Variants in MYCBPAP observed in about 807,000 individuals in gnomAD.
MYCBPAP encodes MYCBP-associated protein.
A neutral mutation model predicts 106.1 loss-of-function variants in MYCBPAP; 60 were observed. That is an observed-to-expected ratio of 0.57 (90% CI 0.46 to 0.70). The LOEUF is 0.70. Ranked by LOEUF, MYCBPAP falls within the 30% of genes least tolerant of loss-of-function variation. MYCBPAP has a pLI of 0.00. For missense variants in MYCBPAP, 1,064 were observed against 1,169.3 expected (o/e 0.91, Z 1.31); for synonymous variants, 407 against 440.6 (o/e 0.92, Z 0.95).
At chr17:50,527,067 G>A (rs1237035511) in intron 14 of MYCBPAP, among the ~76,000 whole-genome samples, 1 of 152,196 alleles carries the variant, frequency 6.6e-6, no homozygotes, top group African/African-American at 2.4e-5. Flanking sequence ...CAGGAGGGGG[G>A]CCTACTCTCT....
rs745713338 is a variant in MYCBPAP at position 50,508,737 on chromosome 17, A to G, written c.63A>G (p.Ser21=). ...RITPTRLLEA[S]ENVKEKKRAK... is the part of the protein sequence containing the mutation. ...CTCCGACCAGATTATTAGAGGCCTC[A>G]GAGAATGTCAAAGGTTGGCGCTGGC... is the stretch of plus-strand genomic sequence containing the variant. The change falls in exon 1 of 19, where the codon TCA becomes TCG. Residue 21 remains serine (S), a synonymous_variant. Transcript: ENST00000323776. 1 of 1,610,712 alleles carries G rather than the reference A, an allele frequency of 6.2e-7. No homozygotes were observed. Among genetic ancestry groups the G allele is most frequent in the African/African-American group, 1.3e-5 (1 of 74,948 alleles).
chr17:50,525,659 C>CTTTTTTTTTTT (rs112712266), intron 13 of MYCBPAP, among the ~76,000 whole-genome samples: 3 of 131,398 alleles, frequency 2.3e-5, no homozygotes, highest in East Asian at 2.3e-4. Context: ...GCTAATTTCT[C>CTTTTTTTTTTT]TTTTTTTTTT....
rs770564224 is a variant in MYCBPAP, at chr17:50,526,175, G to A, written c.2077G>A (p.Glu693Lys). ...CATCATGGAGGAGATCCTGGTGGAG[G>A]AAAGCCCAGATGTGGACAGCACCAA... ...KSIMEEILVE[E>K]SPDVDSTKSP... is the part of the protein sequence containing the mutation. Residue 693 changes from glutamate (E) to lysine (K), a missense_variant, in exon 14 of 19, where the codon GAA becomes AAA. By Grantham distance (56) the Glu-to-Lys change is moderately conservative (BLOSUM62 1). Transcript: ENST00000323776. 1.2e-6 allele frequency: 2 copies of A among 1,613,558 alleles called. No individual in the cohort carries two copies. The highest frequency in any genetic ancestry group is 1.3e-5 in the African/African-American group (1 of 75,028).
At chr17:50,525,092 G>A (rs749734388) in intron 13 of MYCBPAP, 69 bp downstream of exon 13, 10 of 1,543,110 alleles carry the variant, frequency 6.5e-6, no homozygotes, top group Admixed American at 3.7e-5. Flanking sequence ...CCCGCAGGCC[G>A]CACAGCGGCA....
intron 12 of MYCBPAP, among the ~76,000 whole-genome samples, chr17:50,524,434 C>T (rs552576548): frequency 2.0e-5 from 3 of 152,300 alleles, no homozygotes; most frequent in Non-Finnish European, 4.4e-5. Flanking sequence ...TTGCTTTACT[C>T]ATTGACTGTA....
intron 16 of MYCBPAP, among the ~76,000 whole-genome samples, 196 bp downstream of exon 16, chr17:50,528,466 T>C (rs1041643523): frequency 1.3e-5 from 2 of 152,184 alleles, no homozygotes; most frequent in African/African-American, 4.8e-5. Flanking sequence ...ACCACCTTGG[T>C]TTAGTAATCC....
rs1049015352 is a variant in MYCBPAP at position 50,525,914 on chromosome 17, C to T, written c.1816C>T (p.His606Tyr). ...TGAGCACCAAGTGGTGCAAAGCCTG[C>T]ACCAACTGTGGCGCCAGTACATGAC... is the stretch of plus-strand genomic sequence containing the variant. ...HYEHQVVQSLHQLWRQYMTLP... is the reference protein window; with the variant it reads ...HYEHQVVQSLYQLWRQYMTLP... The change falls in exon 14 of 19, where the codon CAC becomes TAC. Residue 606 changes from histidine (H) to tyrosine (Y), a missense_variant. Coordinates refer to ENST00000323776, the MANE Select transcript of MYCBPAP (RefSeq NM_032133.6). 6 of 1,612,290 alleles carry T rather than the reference C, an allele frequency of 3.7e-6. No homozygotes were observed. Among genetic ancestry groups the T allele is most frequent in the East Asian group, 2.2e-5 (1 of 44,888 alleles).
intron 15 of MYCBPAP, 56 bp downstream of exon 15, chr17:50,527,464 G>GGGTCCTGGGCAGGC (rs1158376313): frequency 1.2e-6 from 2 of 1,605,080 alleles, no homozygotes; most frequent in African/African-American, 1.3e-5. Flanking sequence ...GCATCTGCAG[G>GGGTCCTGGGCAGGC]GGTCCTGGGC....
chr17:50,529,616 C>T (rs954643725), intron 18 of MYCBPAP: 39 of 403,012 alleles, frequency 9.7e-5, no homozygotes, highest in Admixed American at 2.2e-4. Flanking sequence ...TGGGATTTTT[C>T]GGAGTGAAAT....
chr17:50,527,983 C>T (rs973447965), intron 15 of MYCBPAP, among the ~76,000 whole-genome samples, 172 bp from the exon 16 acceptor site: 1 of 152,198 alleles, frequency 6.6e-6, no homozygotes, highest in Non-Finnish European at 1.5e-5. Context: ...GCCAGAACCC[C>T]CTCCAAGCAC....
Position 50,523,139 on chromosome 17 carries a change from G to A in MYCBPAP, c.1447+11G>A, listed in dbSNP as rs770665292. ...TTGACAACCGGGAAGGTACTCGGGAGAAGCCACCCTATGTGCTAGCTCCTG... is the reference window on the plus strand; with the variant it reads ...TTGACAACCGGGAAGGTACTCGGGAAAAGCCACCCTATGTGCTAGCTCCTG... On this transcript the variant is annotated intron_variant, in intron 11 of 18. Coordinates refer to ENST00000323776, the MANE Select transcript of MYCBPAP (RefSeq NM_032133.6). The A allele has an allele frequency of 3.1e-6, 5 of 1,611,396 alleles. No homozygotes were observed. In the South Asian group the frequency reaches 5.5e-5, roughly 18 times the overall value.
rs373361094 is a variant in MYCBPAP, at chr17:50,516,630, C to T, written c.137C>T (p.Pro46Leu). 58 of 1,614,072 alleles carry T rather than the reference C, an allele frequency of 3.6e-5. No homozygotes were observed. Among genetic ancestry groups the T allele is most frequent in the Admixed American group, 2.2e-4 (13 of 60,010 alleles). ...CCCACAATTCAGGAAGAGCCTGAAC[C>T]TGTTAGCAATGTCCTACAAGGAGAT... ...PTPTIQEEPE[P>L]VSNVLQGDDI... The change falls in exon 2 of 19, where the codon CCT becomes CTT. Residue 46 changes from proline to leucine, a missense_variant. Coordinates refer to ENST00000323776, the MANE Select transcript of MYCBPAP (RefSeq NM_032133.6).
intron 13 of MYCBPAP, 62 bp from the exon 14 acceptor site, chr17:50,525,819 T>G: frequency 1.4e-5 from 21 of 1,511,700 alleles, no homozygotes; most frequent in Non-Finnish European, 1.8e-5. Context: ...TTATTTACAT[T>G]GAAGAAACTG....
intron 18 of MYCBPAP, chr17:50,529,839 G>T (rs1381440232): frequency 2.2e-6 from 1 of 456,588 alleles, no homozygotes; most frequent in South Asian, 1.5e-5. Flanking sequence ...GAGTTTGAAG[G>T]ACTAGAGAGA....
chr17:50,526,151 A>G lies in MYCBPAP; in HGVS notation c.2053A>G (p.Ile685Val), dbSNP rs976032230. The change falls in exon 14 of 19, where the codon ATC becomes GTC. Residue 685 changes from isoleucine (I) to valine (V), a missense_variant. By Grantham distance (29) the Ile-to-Val change is conservative (BLOSUM62 3). Coordinates refer to ENST00000323776, the MANE Select transcript of MYCBPAP (RefSeq NM_032133.6). ...GACCAAGAGTCCTCAGCGGAAGAGC[A>G]TCATGGAGGAGATCCTGGTGGAGGA... ...VGTKSPQRKS[I>V]MEEILVEESP... 3.1e-6 allele frequency: 5 copies of G among 1,613,702 alleles called. No individual in the cohort carries two copies.
rs1255241433 is a variant in MYCBPAP at position 50,519,785 on chromosome 17, C to G, written c.914C>G (p.Thr305Arg). The G allele has an allele frequency of 6.2e-7, 1 of 1,613,344 alleles. No individual in the cohort carries two copies. Residue 305 changes from threonine (T) to arginine (R), a missense_variant and splice_region_variant, in exon 7 of 19, where the codon ACA becomes AGA. By Grantham distance (71) the Thr-to-Arg change is moderately conservative. Coordinates refer to ENST00000323776, the MANE Select transcript of MYCBPAP (RefSeq NM_032133.6). Reference protein sequence around the residue: ...IRKPHSIRVETGLPAQRDASY... With the variant: ...IRKPHSIRVERGLPAQRDASY... ...AAGCCCCACTCCATCCGGGTGGAGA[C>G]AGGTGAGGCGCAGGGCTGTAAGCCA... is the stretch of plus-strand genomic sequence containing the variant.
Position 50,529,079 on chromosome 17 carries a change from G to T in MYCBPAP, c.2615G>T (p.Ser872Ile). ...GACAAGAAAGTCATAAAATCTGCAAGTCAGGACAGGTTTTCTTTGGAAGAC... is the reference window on the plus strand; with the variant it reads ...GACAAGAAAGTCATAAAATCTGCAATTCAGGACAGGTTTTCTTTGGAAGAC... ...KDDKKVIKSA[S>I]QDRFSLEDPT... Residue 872 changes from serine to isoleucine, a missense_variant, in exon 18 of 19, where the codon AGT becomes ATT. Coordinates refer to ENST00000323776, the MANE Select transcript of MYCBPAP (RefSeq NM_032133.6). 1 of 1,614,102 alleles carries T rather than the reference G, an allele frequency of 6.2e-7. No individual in the cohort carries two copies. Among genetic ancestry groups the T allele is most frequent in the Non-Finnish European group, 8.5e-7 (1 of 1,180,024 alleles).
At chr17:50,521,577 C>T in intron 9 of MYCBPAP, 146 bp downstream of exon 9, 2 of 643,662 alleles carry the variant, frequency 3.1e-6, no homozygotes, top group Non-Finnish European at 5.5e-6. Flanking sequence ...TGAACCCATT[C>T]CAGCACCTGT....
intron 18 of MYCBPAP, chr17:50,529,882 C>T (rs2144008548): frequency 2.2e-6 from 1 of 449,182 alleles, no homozygotes; most frequent in Admixed American, 2.4e-5. Context: ...GTAGCAGGTC[C>T]TTAGAAATTC....
Sources: allele counts gnomAD v4.1 joint callset (sites outside exome capture counted in the v4.1 genomes callset), GRCh38; gene constraint gnomAD v4.1.1; transcripts MANE v1.5; gene names NCBI Gene and HGNC (gene_info 2026-07-23, HGNC 2026-07-21).